Variants in PCDH7 observed in about 807,000 individuals in gnomAD.
PCDH7 encodes protocadherin-7.
Under a neutral mutation model 58.9 loss-of-function variants are expected in PCDH7, and 17 were observed. That is an observed-to-expected ratio of 0.29 (90% CI 0.20 to 0.43). The LOEUF is 0.43. PCDH7 is among the 20% of genes least tolerant of loss of function. The pLI, the probability that PCDH7 is intolerant of heterozygous loss-of-function variation, is 1.00. For missense variants in PCDH7, 1,274 were observed against 1,441.0 expected, an observed-to-expected ratio of 0.88 and a Z score of 1.88; for synonymous variants, 664 against 616.4, an observed-to-expected ratio of 1.08 and a Z score of -1.14.
At chr4:30,965,439 C>T (rs1159456306) in intron 3 of PCDH7, among the ~76,000 whole-genome samples, 1 of 151,898 alleles carries the variant, frequency 6.6e-6, no homozygotes, top group Non-Finnish European at 1.5e-5. Context: ...CAATGAATCA[C>T]TGTTATCAAA....
At position 31,051,008 on chromosome 4, in the gene PCDH7, C is replaced by T. The variant is rs144844968; in HGVS notation, c.*8-91465C>T. 5.1e-3 allele frequency among the ~76,000 whole-genome samples: 771 copies of T among 152,278 alleles called. 5 individuals carry two copies. The highest frequency in any genetic ancestry group is 0.017 in the African/African-American group (702 of 41,570). ...TTGTGAATAGCACCTGAATCTTAATCGCTTAGTTCACATAATTATTTATCT... is the reference window on the plus strand; with the variant it reads ...TTGTGAATAGCACCTGAATCTTAATTGCTTAGTTCACATAATTATTTATCT... On this transcript the variant is annotated intron_variant, in intron 3 of 3. Transcript: ENST00000509759.
At chr4:30,736,742 C>T (rs1716349500), downstream of PCDH7, among the ~76,000 whole-genome samples, 1 of 151,778 alleles carries the variant, frequency 6.6e-6, no homozygotes, top group African/African-American at 2.4e-5. Context: ...ATCACCGTGT[C>T]AGCCAGGATG....
At chr4:31,127,007 G>C (rs561778570) in intron 3 of PCDH7, among the ~76,000 whole-genome samples, 1 of 152,252 alleles carries the variant, frequency 6.6e-6, no homozygotes, top group African/African-American at 2.4e-5. Context: ...GGGAAAATCT[G>C]TTTACACCAT....
intron 1 of PCDH7, among the ~76,000 whole-genome samples, chr4:30,795,738 T>TA (rs1390439114): frequency 3.3e-5 from 5 of 152,186 alleles, no homozygotes; most frequent in African/African-American, 1.2e-4. Flanking sequence ...CCTTGATAAA[T>TA]ACACTTGCTG....
chr4:30,878,097 C>T (rs1736515836), intron 1 of PCDH7, among the ~76,000 whole-genome samples: 1 of 152,100 alleles, frequency 6.6e-6, no homozygotes, highest in Non-Finnish European at 1.5e-5. Flanking sequence ...TTAGACCCAA[C>T]ATAACACTGG....
intron 3 of PCDH7, among the ~76,000 whole-genome samples, chr4:30,963,318 A>T (rs929721656): frequency 1.3e-5 from 2 of 152,168 alleles, no homozygotes; most frequent in African/African-American, 4.8e-5. Context: ...TGTCTTCCTG[A>T]ATTATACTAT....
At chr4:30,911,249 G>C (rs1301409983) in intron 1 of PCDH7, among the ~76,000 whole-genome samples, 2 of 150,970 alleles carry the variant, frequency 1.3e-5, no homozygotes, top group African/African-American at 4.9e-5. Context: ...CAGGGCATCT[G>C]TATACCTATG....
chr4:31,083,902 T>C (rs764058521), intron 3 of PCDH7, among the ~76,000 whole-genome samples: 12 of 152,346 alleles, frequency 7.9e-5, no homozygotes, highest in Non-Finnish European at 1.6e-4. Flanking sequence ...TAGGAAATGC[T>C]TAATATCATA....
At chr4:30,797,624 A>G (rs1724973571) in intron 1 of PCDH7, among the ~76,000 whole-genome samples, 1 of 152,166 alleles carries the variant, frequency 6.6e-6, no homozygotes. Context: ...GTGCATATGT[A>G]TGTGTATTTC....
At chr4:30,928,573 G>A (rs1485885056) in intron 2 of PCDH7, among the ~76,000 whole-genome samples, 1 of 152,150 alleles carries the variant, frequency 6.6e-6, no homozygotes, top group Non-Finnish European at 1.5e-5. Flanking sequence ...CTTGATCACA[G>A]TAACTTAATT....
chr4:31,011,687 A>T (rs11939676), intron 3 of PCDH7, among the ~76,000 whole-genome samples: 1 of 152,006 alleles, frequency 6.6e-6, no homozygotes, highest in Non-Finnish European at 1.5e-5. Flanking sequence ...GTACAATTTC[A>T]TCAACTCTCA....
intron 2 of PCDH7, among the ~76,000 whole-genome samples, chr4:30,941,431 TGACAAAA>T (rs1455150316): frequency 6.6e-6 from 1 of 151,972 alleles, no homozygotes. Flanking sequence ...GAAGCGTTTT[TGACAAAA>T]GAATGTTTCC....
intron 3 of PCDH7, among the ~76,000 whole-genome samples, chr4:31,049,849 T>C (rs1756596825): frequency 6.6e-6 from 1 of 152,148 alleles, no homozygotes; most frequent in Non-Finnish European, 1.5e-5. Flanking sequence ...AAAGATAATA[T>C]ATTCTGATTG....
chr4:31,028,403 T>G (rs979551699), intron 3 of PCDH7, among the ~76,000 whole-genome samples: 28 of 152,126 alleles, frequency 1.8e-4, no homozygotes, highest in African/African-American at 6.3e-4. Flanking sequence ...CAAATTGTAG[T>G]ACTTTGGGCC....
At chr4:31,096,362 T>A (rs1301047508) in intron 3 of PCDH7, among the ~76,000 whole-genome samples, 1 of 152,048 alleles carries the variant, frequency 6.6e-6, no homozygotes, top group African/African-American at 2.4e-5. Flanking sequence ...GAAAGTTGGG[T>A]CACTGGATCT....
chr4:30,865,574 A>G (rs1189019107), intron 1 of PCDH7, among the ~76,000 whole-genome samples: 1 of 152,110 alleles, frequency 6.6e-6, no homozygotes, highest in East Asian at 1.9e-4. Flanking sequence ...GCAGTGCATG[A>G]CACTTAGGCC....
intron 2 of PCDH7, among the ~76,000 whole-genome samples, chr4:30,920,938 GT>G (rs11399074): frequency 6.6e-6 from 1 of 151,130 alleles, no homozygotes; most frequent in Non-Finnish European, 1.5e-5. Context: ...CAAGTATAAG[GT>G]TTTTTTTTAT....
At chr4:31,079,235 A>G (rs1049291322) in intron 3 of PCDH7, among the ~76,000 whole-genome samples, 2 of 147,168 alleles carry the variant, frequency 1.4e-5, no homozygotes, top group East Asian at 2.0e-4. Context: ...AGAAATATCA[A>G]TGCAACAGAA....
At chr4:30,813,589 G>A (rs1434747170) in intron 1 of PCDH7, among the ~76,000 whole-genome samples, 1 of 152,140 alleles carries the variant, frequency 6.6e-6, no homozygotes, top group East Asian at 1.9e-4. Context: ...TGCTTAGGAT[G>A]TCAGTGAAGG....
Sources: allele counts gnomAD v4.1 joint callset (sites outside exome capture counted in the v4.1 genomes callset), GRCh38; gene constraint gnomAD v4.1.1; transcripts MANE v1.5; gene names NCBI Gene and HGNC (gene_info 2026-07-23, HGNC 2026-07-21).